ZNF215: variants seen among roughly 807,000 people sequenced by gnomAD.
ZNF215 encodes zinc finger protein 215.
ZNF215 carries 24 observed loss-of-function variants against 27.2 expected under a neutral mutation model. The ratio of observed to expected loss-of-function variants is 0.88; its 90% CI spans 0.64 to 1.24. The LOEUF is 1.24. Ranked by LOEUF, ZNF215 falls within the 50% of genes most tolerant of loss-of-function variation. The pLI is 0.00. For missense variants in ZNF215, 675 were observed against 605.7 expected (o/e 1.11, Z -1.20); for synonymous variants, 210 against 204.0 (o/e 1.03, Z -0.25).
At position 6,932,299 on chromosome 11, in the gene ZNF215, T is replaced by G; in HGVS notation, c.27T>G (p.Ala9=). 1 of 1,614,088 alleles carries G rather than the reference T, an allele frequency of 6.2e-7. No individual in the cohort carries two copies. The highest frequency in any genetic ancestry group is 8.5e-7 in the Non-Finnish European group (1 of 1,179,992). The stretch of plus-strand genomic sequence containing the variant: ...TGCAGCCTCTGAGCAAGTTGATGGC[T>G]ATCTCAAAACCTCGAAACCTGTCTC... MQPLSKLM[A]ISKPRNLSLR... The change falls in exon 3 of 7, where the codon GCT becomes GCG. Residue 9 remains alanine (A), a synonymous_variant. Transcript: ENST00000278319.
chr11:6,947,789 A>G (rs979830899), intron 6 of ZNF215, among the ~76,000 whole-genome samples: 3 of 152,182 alleles, frequency 2.0e-5, no homozygotes, highest in Non-Finnish European at 4.4e-5. Flanking sequence ...CTTATGTTCC[A>G]TACGATGTTA....
chr11:6,933,553 C>T (rs917044105), intron 3 of ZNF215, among the ~76,000 whole-genome samples: 15 of 151,800 alleles, frequency 9.9e-5, no homozygotes, highest in South Asian at 4.2e-4. Context: ...TTTGGGAGGC[C>T]GAGGCGGGCA....
chr11:6,984,718 T>G (rs1299116718), downstream of ZNF215: 2 of 152,154 alleles, frequency 1.3e-5, no homozygotes, highest in Admixed American at 6.6e-5. Context: ...AAAACTAAGA[T>G]ATAAATTGGT....
In ZNF215 at chr11:6,957,914, T is replaced by C; in HGVS notation, c.*1383T>C. 1 of 985,476 alleles carries C rather than the reference T, an allele frequency of 1.0e-6. No homozygotes were observed. The highest frequency in any genetic ancestry group is 1.2e-6 in the Non-Finnish European group (1 of 829,944). The allele number at this position is 985,476 out of a possible 1,614,324, so 61.0% of individuals were successfully genotyped here. On this transcript the variant is annotated 3_prime_UTR_variant, in exon 7 of 7. Transcript: ENST00000278319. Reference sequence around the variant, plus strand: ...TTGAGCCAAGAAGTATGACTTAATCTGCCCCAAAAAATTCACACTGGAGAC... The same window carrying C: ...TTGAGCCAAGAAGTATGACTTAATCCGCCCCAAAAAATTCACACTGGAGAC...
At chr11:6,982,267 G>C (rs949061447) in intron 5 of ZNF215, among the ~76,000 whole-genome samples, 1 of 151,922 alleles carries the variant, frequency 6.6e-6, no homozygotes, top group African/African-American at 2.4e-5. Context: ...CAAGTCCTGA[G>C]TGACCTACAA....
Position 6,955,808 on chromosome 11 carries a change from G to GA in ZNF215, c.837dup (p.Trp280MetfsTer13), listed in dbSNP as rs1475500519. ...GTGAGAATTGGTTATATAGGAACCA[G>GA]AAAAAATGGGACATAAATTTGCCAC... On this transcript the variant is annotated frameshift_variant, in exon 7 of 7. Coordinates refer to ENST00000278319, the MANE Select transcript of ZNF215 (RefSeq NM_013250.4). LOFTEE classifies it low-confidence loss of function (END_TRUNC). The GA allele has an allele frequency of 2.5e-6, 4 of 1,613,628 alleles. No homozygotes were observed. The highest frequency in any genetic ancestry group is 3.4e-6 in the Non-Finnish European group (4 of 1,179,906).
downstream of ZNF215, among the ~76,000 whole-genome samples, chr11:6,985,363 C>A (rs555896427): frequency 2.6e-5 from 4 of 152,126 alleles, no homozygotes; most frequent in South Asian, 8.3e-4. Context: ...ATAAAAAGCC[C>A]CAACACAATA....
At chr11:6,932,906 C>G (rs1042772030) in intron 3 of ZNF215, among the ~76,000 whole-genome samples, 1 of 152,162 alleles carries the variant, frequency 6.6e-6, no homozygotes, top group Admixed American at 6.5e-5. Flanking sequence ...ATGTTGACAT[C>G]AATTTAGAGC....
chr11:6,943,621 T>A lies in ZNF215; in HGVS notation c.692T>A (p.Ile231Lys). The change falls in exon 6 of 7, where the codon ATA (isoleucine) becomes AAA (lysine). Residue 231 changes from isoleucine (I) to lysine (K), a missense_variant. Coordinates refer to ENST00000278319, the MANE Select transcript of ZNF215 (RefSeq NM_013250.4). ...KKKRWIMEKE[I>K]PRKTIFDMKS... is the part of the protein sequence containing the mutation. ...AAAAGATGGATAATGGAGAAAGAAA[T>A]ACCAAGGAAGACTATTTTTGGTAAG... is the stretch of plus-strand genomic sequence containing the variant. 1 of 1,613,774 alleles carries A rather than the reference T, an allele frequency of 6.2e-7. No individual in the cohort carries two copies. Among genetic ancestry groups the A allele is most frequent in the Non-Finnish European group, 8.5e-7 (1 of 1,179,730 alleles).
At chr11:6,971,459 TA>T (rs1850716442) in intron 5 of ZNF215, among the ~76,000 whole-genome samples, 1 of 152,144 alleles carries the variant, frequency 6.6e-6, no homozygotes, top group Non-Finnish European at 1.5e-5. Flanking sequence ...AAGACAGCAA[TA>T]AATTTTTCTG....
intron 3 of ZNF215, among the ~76,000 whole-genome samples, chr11:6,940,285 A>G (rs1464062436): frequency 6.6e-6 from 1 of 151,216 alleles, no homozygotes; most frequent in African/African-American, 2.4e-5. Context: ...TTCACACGGT[A>G]TGTTGCTGAG....
chr11:6,956,544 T>C lies in ZNF215; in HGVS notation c.*13T>C. 6.5e-7 allele frequency: 1 copy of C among 1,546,268 alleles called. No individual in the cohort carries two copies. ...AGATAAGTCCTGAAAAAAGAAAAAA[T>C]GAAAGATTACCTTCAGTCAGAATGC... On this transcript the variant is annotated 3_prime_UTR_variant, in exon 7 of 7. Coordinates refer to ENST00000278319, the MANE Select transcript of ZNF215 (RefSeq NM_013250.4).
At chr11:6,982,522 G>A (rs1052377600) in intron 5 of ZNF215, among the ~76,000 whole-genome samples, 14 of 152,040 alleles carry the variant, frequency 9.2e-5, no homozygotes, top group African/African-American at 3.4e-4. Flanking sequence ...GCTCTCCTCA[G>A]CAAATCTAAA....
chr11:6,988,394 T>A (rs912080032), downstream of ZNF215: 1 of 317,038 alleles, frequency 3.2e-6, no homozygotes, highest in African/African-American at 2.3e-5. Context: ...CAGCCTCCTT[T>A]ACTAGGCTTT....
chr11:6,956,023 G>A lies in ZNF215; in HGVS notation c.1046G>A (p.Gly349Asp), dbSNP rs565738525. 3.1e-6 allele frequency: 5 copies of A among 1,609,496 alleles called. No individual in the cohort carries two copies. The Admixed American group carries it at 6.7e-5, about 22-fold the overall frequency. Reference sequence around the variant, plus strand: ...TTCAAATTTAATTTAGACTCAGTAGGTAAGCAACATTCAGAATATGAATAT... The same window carrying A: ...TTCAAATTTAATTTAGACTCAGTAGATAAGCAACATTCAGAATATGAATAT... The part of the protein sequence containing the change: ...TYFKFNLDSV[G>D]KQHSEYEYGN... Residue 349 changes from glycine (G) to aspartate (D), a missense_variant, in exon 7 of 7, where the codon GGT becomes GAT. Physicochemically the swap from Gly to Asp is moderately conservative, Grantham distance 94 (BLOSUM62 -1). Coordinates refer to ENST00000278319, the MANE Select transcript of ZNF215 (RefSeq NM_013250.4).
intron 6 of ZNF215, among the ~76,000 whole-genome samples, chr11:6,948,855 C>T (rs967316376): frequency 4.0e-5 from 6 of 150,626 alleles, no homozygotes; most frequent in Non-Finnish European, 8.9e-5. Context: ...CCCATTAACT[C>T]GTCATTTAGC....
intron 5 of ZNF215, among the ~76,000 whole-genome samples, chr11:6,964,694 T>TA (rs1476702613): frequency 6.6e-6 from 1 of 151,780 alleles, no homozygotes; most frequent in African/African-American, 2.4e-5. Flanking sequence ...CTTTTTTTTT[T>TA]TTTATTTTTA....
chr11:6,942,749 T>A (rs190933862), intron 4 of ZNF215, among the ~76,000 whole-genome samples: 1 of 152,200 alleles, frequency 6.6e-6, no homozygotes, highest in Non-Finnish European at 1.5e-5. Context: ...GAACTCCTTT[T>A]AGGTAAATTA....
intron 5 of ZNF215, among the ~76,000 whole-genome samples, chr11:6,981,071 C>T (rs1835331352): frequency 6.6e-6 from 1 of 151,674 alleles, no homozygotes; most frequent in South Asian, 2.1e-4. Context: ...AATAAACATA[C>T]ATGTGCATGT....
Sources: gnomAD v4.1 joint callset for allele counts (sites outside exome capture counted in the v4.1 genomes callset) on GRCh38, gnomAD v4.1.1 for gene constraint, MANE v1.5 for transcripts, NCBI Gene and HGNC (gene_info 2026-07-23, HGNC 2026-07-21) for gene names.